PRUNE2: variants seen among roughly 807,000 people sequenced by gnomAD.
PRUNE2 encodes the protein protein prune homolog 2.
Under a neutral mutation model 252.0 loss-of-function variants are expected in PRUNE2, and 164 were observed. That is an observed-to-expected ratio of 0.65 (90% CI 0.57 to 0.74). The LOEUF (loss-of-function observed/expected upper bound fraction) is 0.74, where lower values mean the gene tolerates loss of function less well. PRUNE2 is among the 30% of genes least tolerant of loss of function. The pLI is 0.00. For synonymous variants in PRUNE2, 1,292 were observed against 1,350.2 expected (o/e 0.96, Z 0.94); for missense variants, 3,495 against 3,711.0 (o/e 0.94, Z 1.51).
chr9:76,665,638 G>A (rs530833056), intron 9 of PRUNE2, among the ~76,000 whole-genome samples: 93 of 152,298 alleles, frequency 6.1e-4, no homozygotes, highest in African/African-American at 2.1e-3. Context: ...AGATGAATGA[G>A]TCACTATTGA....
intron 1 of PRUNE2, among the ~76,000 whole-genome samples, chr9:76,876,873 T>A (rs1053798550): frequency 2.0e-4 from 30 of 152,314 alleles, no homozygotes; most frequent in Middle Eastern, 3.4e-3. Context: ...CATGAGATAT[T>A]TTTAAGCATG....
At chr9:76,751,434 T>A (rs959397008) in intron 6 of PRUNE2, among the ~76,000 whole-genome samples, 7 of 152,240 alleles carry the variant, frequency 4.6e-5, no homozygotes, top group Non-Finnish European at 1.0e-4. Context: ...TTATTTTGCA[T>A]ACTTGCTATG....
chr9:76,854,973 G>C (rs1461718499), intron 1 of PRUNE2, among the ~76,000 whole-genome samples: 1 of 149,050 alleles, frequency 6.7e-6, no homozygotes, highest in Non-Finnish European at 1.5e-5. Context: ...GGCTGAGGTA[G>C]AGGAATCACT....
chr9:76,763,646 C>T (rs1204149892), intron 6 of PRUNE2, among the ~76,000 whole-genome samples: 1 of 152,188 alleles, frequency 6.6e-6, no homozygotes, highest in Non-Finnish European at 1.5e-5. Flanking sequence ...CTCCTGTGCT[C>T]TCTGAGGACT....
At chr9:76,805,286 G>C (rs1257886886) in intron 6 of PRUNE2, among the ~76,000 whole-genome samples, 2 of 152,180 alleles carry the variant, frequency 1.3e-5, no homozygotes, top group Non-Finnish European at 2.9e-5. Context: ...GTCAGCTCAG[G>C]CAAGACCAGC....
At chr9:76,718,462 C>T (rs553547773) in intron 6 of PRUNE2, among the ~76,000 whole-genome samples, 5 of 152,308 alleles carry the variant, frequency 3.3e-5, no homozygotes, top group Non-Finnish European at 7.4e-5. Context: ...CCAAAGATAA[C>T]ATTCCATTTC....
At chr9:76,684,592 T>C (rs978536740) in intron 9 of PRUNE2, among the ~76,000 whole-genome samples, 2 of 152,184 alleles carry the variant, frequency 1.3e-5, no homozygotes, top group Non-Finnish European at 2.9e-5. Context: ...TCCTTAGATA[T>C]CCAGCGTAAA....
intron 1 of PRUNE2, among the ~76,000 whole-genome samples, chr9:76,889,508 C>T (rs763161590): frequency 1.2e-4 from 18 of 152,090 alleles, no homozygotes; most frequent in African/African-American, 1.9e-4. Flanking sequence ...TTAGTAGAAA[C>T]GAGGTCTCGC....
chr9:76,645,237 G>T, intron 11 of PRUNE2: 1 of 208,666 alleles, frequency 4.8e-6, no homozygotes, highest in South Asian at 1.1e-4. Flanking sequence ...ACTCATCCTT[G>T]ATCAGGGTAA....
intron 18 of PRUNE2, chr9:76,614,970 C>A (rs1215948075): frequency 2.5e-6 from 1 of 407,456 alleles, no homozygotes; most frequent in Non-Finnish European, 3.4e-6. Context: ...CCTTGTGAAG[C>A]AAACAAATGT....
At position 76,707,895 on chromosome 9, in the gene PRUNE2, T is replaced by A. The variant is rs1281788208; in HGVS notation, c.4379A>T (p.Glu1460Val). The change falls in exon 8 of 19, where the codon GAA becomes GTA. Residue 1460 changes from glutamate (E) to valine (V), a missense_variant. Coordinates refer to ENST00000376718, the MANE Select transcript of PRUNE2 (RefSeq NM_015225.3). ...MNFTKYVSVP[E>V]KDLEKTEECN... The stretch of plus-strand genomic sequence containing the variant: ...TTCTTCAGTTTTCTCAAGATCCTTT[T>A]CAGGTACAGATACATATTTTGTGAA... 1 of 1,613,770 alleles carries A rather than the reference T, an allele frequency of 6.2e-7. No individual in the cohort carries two copies. Among genetic ancestry groups the A allele is most frequent in the Non-Finnish European group, 8.5e-7 (1 of 1,179,856 alleles).
At chr9:76,638,101 CT>C (rs1218981680) in intron 13 of PRUNE2, 84 bp downstream of exon 13, 3 of 819,050 alleles carry the variant, frequency 3.7e-6, no homozygotes, top group East Asian at 2.6e-5. Flanking sequence ...TCTACATCAT[CT>C]ATTTTCTTTA....
intron 6 of PRUNE2, among the ~76,000 whole-genome samples, chr9:76,756,798 CA>C (rs1003353971): frequency 6.6e-5 from 10 of 152,116 alleles, no homozygotes; most frequent in African/African-American, 7.2e-5. Flanking sequence ...TCACCAGGGA[CA>C]GGGGGGTGCC....
intron 9 of PRUNE2, among the ~76,000 whole-genome samples, chr9:76,661,346 G>A (rs938444649): frequency 1.3e-5 from 2 of 152,240 alleles, no homozygotes; most frequent in African/African-American, 2.4e-5. Flanking sequence ...GGGTTTAAGC[G>A]ATTCTCCTGC....
intron 4 of PRUNE2, among the ~76,000 whole-genome samples, chr9:76,839,381 T>C (rs2059254090): frequency 1.3e-5 from 2 of 152,098 alleles, no homozygotes; most frequent in South Asian, 4.1e-4. Context: ...AGGCTCCTGA[T>C]AGGCAGAAAG....
At chr9:76,838,676 C>T (rs1314391949) in intron 4 of PRUNE2, among the ~76,000 whole-genome samples, 1 of 138,014 alleles carries the variant, frequency 7.2e-6, no homozygotes, top group South Asian at 2.3e-4. Flanking sequence ...AAAACAAATA[C>T]AGCCAGAACC....
intron 1 of PRUNE2, among the ~76,000 whole-genome samples, chr9:76,882,091 T>C (rs2061825110): frequency 6.6e-6 from 1 of 152,136 alleles, no homozygotes; most frequent in Admixed American, 6.6e-5. Flanking sequence ...CTTTCAAGGG[T>C]AAATGTGATT....
At chr9:76,837,487 G>A (rs2059090994) in intron 4 of PRUNE2, among the ~76,000 whole-genome samples, 1 of 26,242 alleles carries the variant, frequency 3.8e-5, no homozygotes, top group Admixed American at 2.8e-4. Context: ...TGCTATTAAA[G>A]CAATCCCATA....
In PRUNE2 at chr9:76,839,880, T is replaced by C. The variant is rs895523800; in HGVS notation, c.508+6635A>G. ...TTGCAGAAGGCAAAGGAAAGAATCA[T>C]GTATAACTCCTAGATGATGGCTTTT... is the stretch of plus-strand genomic sequence containing the variant. On this transcript the variant is annotated intron_variant, in intron 4 of 18. Coordinates refer to ENST00000376718, the MANE Select transcript of PRUNE2 (RefSeq NM_015225.3). Among the ~76,000 whole-genome samples the C allele has an allele frequency of 3.9e-5, 6 of 152,304 alleles. No individual in the cohort carries two copies. The South Asian group carries it at 1.2e-3, about 32-fold the overall frequency.
Sources: allele counts gnomAD v4.1 joint callset (sites outside exome capture counted in the v4.1 genomes callset), GRCh38; gene constraint gnomAD v4.1.1; transcripts MANE v1.5; gene names NCBI Gene and HGNC (gene_info 2026-07-23, HGNC 2026-07-21).